Variants in PHACTR1 observed in about 807,000 individuals in gnomAD.
PHACTR1 encodes RPEL repeat containing 1.
PHACTR1 carries 16 observed loss-of-function variants against 69.2 expected under a neutral mutation model. That is an observed-to-expected ratio of 0.23 (90% CI 0.16 to 0.35). PHACTR1 has a LOEUF of 0.35. PHACTR1 is among the 10% of genes least tolerant of loss of function. PHACTR1 has a pLI of 1.00. For missense variants in PHACTR1, 510 were observed against 734.7 expected (o/e 0.69, Z 3.54); for synonymous variants, 312 against 284.5 (o/e 1.10, Z -0.97).
intron 7 of PHACTR1, among the ~76,000 whole-genome samples, chr6:13,194,412 A>AG (rs1294320667): frequency 3.4e-4 from 51 of 148,720 alleles, no homozygotes; most frequent in African/African-American, 1.0e-3. Flanking sequence ...AAAAAAAAAA[A>AG]AAAAAGAAAG....
chr6:12,873,267 T>C (rs1430260972), intron 4 of PHACTR1, among the ~76,000 whole-genome samples: 1 of 152,136 alleles, frequency 6.6e-6, no homozygotes, highest in African/African-American at 2.4e-5. Flanking sequence ...TCTTCCCACA[T>C]TAGCCTCCCA....
At chr6:13,223,802 T>C (rs1769085772) in intron 8 of PHACTR1, among the ~76,000 whole-genome samples, 7 of 152,196 alleles carry the variant, frequency 4.6e-5, no homozygotes, top group Admixed American at 4.6e-4. Context: ...AATGCAACAC[T>C]GTGTGTGAAA....
intron 1 of PHACTR1, 89 bp from the exon 2 acceptor site, chr6:12,717,420 G>A (rs1168779117): frequency 1.3e-5 from 2 of 151,746 alleles, no homozygotes; most frequent in African/African-American, 4.8e-5. Flanking sequence ...AGGGGGCTGG[G>A]GAATAGCCCT....
Position 13,129,435 on chromosome 6 carries a change from A to C in PHACTR1, c.416-30769A>C, listed in dbSNP as rs149209375. ...AGACTTATCTAACACATAAGGACTT[A>C]TGTAAACTTAAGGTAAAGGAGTAGA... On this transcript the variant is annotated intron_variant, in intron 5 of 14. Coordinates refer to ENST00000332995, the MANE Select transcript of PHACTR1 (RefSeq NM_030948.6). Among the ~76,000 whole-genome samples the C allele has an allele frequency of 3.3e-4, 50 of 152,322 alleles. No homozygotes were observed. The East Asian group carries it at 9.1e-3, about 28-fold the overall frequency.
intron 8 of PHACTR1, among the ~76,000 whole-genome samples, chr6:13,210,174 A>T (rs1766590487): frequency 6.6e-6 from 1 of 151,280 alleles, no homozygotes. Context: ...TGCCCAGTTA[A>T]TTTTTTTTTA....
At chr6:12,965,999 G>A (rs1447969509) in intron 4 of PHACTR1, among the ~76,000 whole-genome samples, 1 of 152,168 alleles carries the variant, frequency 6.6e-6, no homozygotes, top group Non-Finnish European at 1.5e-5. Context: ...GCGGTGGCAA[G>A]GAATGGAAGA....
At chr6:13,021,634 C>T (rs1800986941) in intron 4 of PHACTR1, among the ~76,000 whole-genome samples, 1 of 152,142 alleles carries the variant, frequency 6.6e-6, no homozygotes, top group Admixed American at 6.5e-5. Flanking sequence ...ATTTTACATC[C>T]CCCCAGCAAT....
intron 4 of PHACTR1, among the ~76,000 whole-genome samples, chr6:12,854,552 TCAGC>T: frequency 1.8e-3 from 1 of 556 alleles, no homozygotes; most frequent in South Asian, 0.25. Context: ...AAAACTTTGC[TCAGC>T]CTCAGCTTCT....
chr6:12,898,715 T>TTC (rs1334350361), intron 4 of PHACTR1, among the ~76,000 whole-genome samples: 1 of 152,194 alleles, frequency 6.6e-6, no homozygotes, highest in Non-Finnish European at 1.5e-5. Context: ...AGAACACTCT[T>TTC]TCTCTCTCTG....
chr6:12,959,176 C>CAAAAAAAAAAAAAAAAAAAAAAAAAA lies in PHACTR1; in HGVS notation c.251-94170_251-94169insAAAAAAAAAAAAAAAAAAAAAAAAAA, dbSNP rs70989814. ...TGGGTGATAGAGTGAGACTTTATCTCAAAAAAAAAAAAAAAAAAAGAAAAG... is the reference window on the plus strand; with the variant it reads ...TGGGTGATAGAGTGAGACTTTATCTCAAAAAAAAAAAAAAAAAAAAAAAAAAAAAAAAAAAAAAAAAAAAAGAAAAG... On this transcript the variant is annotated intron_variant, in intron 4 of 14. Transcript: ENST00000332995. 5.0e-4 allele frequency among the ~76,000 whole-genome samples: 23 copies of CAAAAAAAAAAAAAAAAAAAAAAAAAA among 46,228 alleles called. 1 individual carries two copies. The highest frequency in any genetic ancestry group is 1.1e-3 in the African/African-American group (12 of 10,694). 30.3% of individuals were successfully genotyped at this position (46,228 alleles called of 152,430 possible).
At chr6:12,939,636 T>C (rs1238544336) in intron 4 of PHACTR1, among the ~76,000 whole-genome samples, 1 of 152,194 alleles carries the variant, frequency 6.6e-6, no homozygotes, top group African/African-American at 2.4e-5. Context: ...CTCTTCTTTA[T>C]TGATGTGGAA....
In PHACTR1 at chr6:13,245,177, T is replaced by G. The variant is rs1160165866; in HGVS notation, c.1391+14984T>G. 6.6e-6 allele frequency among the ~76,000 whole-genome samples: 1 copy of G among 152,222 alleles called. No homozygotes were observed. Among genetic ancestry groups the G allele is most frequent in the African/African-American group, 2.4e-5 (1 of 41,454 alleles). On this transcript the variant is annotated intron_variant, in intron 10 of 14. Coordinates refer to ENST00000332995, the MANE Select transcript of PHACTR1 (RefSeq NM_030948.6). The surrounding 1 kb of genome is among the most constrained non-coding windows in gnomAD (Gnocchi z 4.1). ...CATGTGTCTTTATGGTAGAATGATT[T>G]CTGTTCCTTTGGGTATATACCCAGT...
intron 4 of PHACTR1, among the ~76,000 whole-genome samples, chr6:12,890,521 T>C (rs1198940307): frequency 6.6e-6 from 1 of 152,198 alleles, no homozygotes; most frequent in Non-Finnish European, 1.5e-5. Context: ...CCCATATTTC[T>C]GTCCTTCATC....
intron 4 of PHACTR1, among the ~76,000 whole-genome samples, chr6:12,984,465 A>G (rs1261323581): frequency 6.6e-6 from 1 of 152,236 alleles, no homozygotes; most frequent in Non-Finnish European, 1.5e-5. Flanking sequence ...GCCAGAGGGC[A>G]TAGATAGTGG....
intron 8 of PHACTR1, among the ~76,000 whole-genome samples, chr6:13,224,466 G>A (rs939856414): frequency 5.3e-5 from 8 of 152,208 alleles, no homozygotes; most frequent in African/African-American, 1.9e-4. Context: ...AATAATTTGG[G>A]CCAAATTATG....
intron 4 of PHACTR1, among the ~76,000 whole-genome samples, chr6:12,751,940 T>A (rs1002788833): frequency 3.3e-5 from 5 of 152,076 alleles, no homozygotes; most frequent in African/African-American, 1.2e-4. Context: ...TGACTGTAAG[T>A]TGGACAGTGG....
Position 13,287,197 on chromosome 6 carries a change from T to C in PHACTR1, c.*119T>C. On this transcript the variant is annotated 3_prime_UTR_variant, in exon 15 of 15. Coordinates refer to ENST00000332995, the MANE Select transcript of PHACTR1 (RefSeq NM_030948.6). ...TAAATCTTCTGAACTGCCTTTTTTT[T>C]AAAAAGAAGAAAAATCAAGGAAACA... 7.8e-6 allele frequency: 8 copies of C among 1,020,132 alleles called. No individual in the cohort carries two copies. The South Asian group carries it at 1.1e-4, about 14-fold the overall frequency. The allele number at this position is 1,020,132 out of a possible 1,614,324, so 63.2% of individuals were successfully genotyped here.
intron 5 of PHACTR1, among the ~76,000 whole-genome samples, chr6:13,124,195 C>T (rs1819174597): frequency 6.6e-6 from 1 of 152,164 alleles, no homozygotes; most frequent in Admixed American, 6.5e-5. Flanking sequence ...CAGAAGCTAC[C>T]ATTGGGACCT....
intron 7 of PHACTR1, among the ~76,000 whole-genome samples, chr6:13,194,047 C>A (rs1371694040): frequency 6.6e-6 from 1 of 152,152 alleles, no homozygotes; most frequent in Non-Finnish European, 1.5e-5. Context: ...AAAATACTTA[C>A]TGATCCTCTC....
Sources: allele counts gnomAD v4.1 joint callset (sites outside exome capture counted in the v4.1 genomes callset), GRCh38; gene constraint gnomAD v4.1.1; non-coding constraint Gnocchi (gnomAD v3.1); transcripts MANE v1.5; gene names NCBI Gene and HGNC (gene_info 2026-07-23, HGNC 2026-07-21).